Variants in CYP2C8 observed in about 807,000 individuals in gnomAD.
CYP2C8 encodes the protein cytochrome P450 2C8.
CYP2C8 carries 51 observed loss-of-function variants against 41.3 expected under a neutral mutation model. The observed-to-expected ratio is 1.24, with a 90% CI of 0.99 to 1.56. The LOEUF (loss-of-function observed/expected upper bound fraction) is 1.56. Among genes scored for constraint, CYP2C8 ranks in the 40% most tolerant of loss-of-function variants. CYP2C8 has a pLI of 0.00. For synonymous variants in CYP2C8, 218 were observed against 205.8 expected (o/e 1.06, Z -0.51); for missense variants, 651 against 579.9 (o/e 1.12, Z -1.26).
At chr10:95,037,525 C>T (rs1455433614) in intron 8 of CYP2C8, among the ~76,000 whole-genome samples, 2 of 152,184 alleles carry the variant, frequency 1.3e-5, no homozygotes, top group Admixed American at 6.5e-5. Flanking sequence ...TATTTGCTAT[C>T]TGTCTAACAT....
intron 5 of CYP2C8, among the ~76,000 whole-genome samples, chr10:95,053,700 G>A (rs1162116748): frequency 2.0e-5 from 3 of 152,092 alleles, no homozygotes; most frequent in Non-Finnish European, 4.4e-5. Flanking sequence ...TCACTCAAAA[G>A]TGGGAGTTGA....
In CYP2C8 at chr10:95,069,450, G is replaced by T; in HGVS notation, c.-48C>A. ...GACAGCTGTGAGCTTGCACTCCAAAGTTTTTATAACACTCCCTGCTAATTT... is the reference window on the plus strand; with the variant it reads ...GACAGCTGTGAGCTTGCACTCCAAATTTTTTATAACACTCCCTGCTAATTT... On this transcript the variant is annotated 5_prime_UTR_variant, in exon 1 of 9. Coordinates refer to ENST00000371270, the MANE Select transcript of CYP2C8 (RefSeq NM_000770.3). 1 of 1,494,566 alleles carries T rather than the reference G, an allele frequency of 6.7e-7. No individual in the cohort carries two copies. The highest frequency in any genetic ancestry group is 9.3e-7 in the Non-Finnish European group (1 of 1,073,126). 92.6% of individuals were successfully genotyped at this position (1,494,566 alleles called of 1,614,324 possible). A position where few individuals can be genotyped will look rare whatever the true frequency, so the allele number is the denominator to read the frequency against.
Position 95,064,789 on chromosome 10 carries a change from C to A in CYP2C8, c.642+11G>T. The A allele has an allele frequency of 6.2e-7, 1 of 1,613,226 alleles. No individual in the cohort carries two copies. The highest frequency in any genetic ancestry group is 1.1e-5 in the South Asian group (1 of 91,052). On this transcript the variant is annotated intron_variant, in intron 4 of 8. Transcript: ENST00000371270. ...AAATGGTTTCCAAGGAAAATAAAATCTTGGCCTTACCTGGATCCATGGGGA... is the reference window on the plus strand; with the variant it reads ...AAATGGTTTCCAAGGAAAATAAAATATTGGCCTTACCTGGATCCATGGGGA...
intron 5 of CYP2C8, among the ~76,000 whole-genome samples, chr10:95,046,499 GTATATT>G (rs2033111792): frequency 6.6e-6 from 1 of 152,114 alleles, no homozygotes; most frequent in South Asian, 2.1e-4. Context: ...AACAACATGA[GTATATT>G]TATGAGGTCA....
chr10:95,064,564 C>T (rs980841146), intron 4 of CYP2C8, among the ~76,000 whole-genome samples: 3 of 152,136 alleles, frequency 2.0e-5, no homozygotes, highest in African/African-American at 4.8e-5. Context: ...AATTCCCTGA[C>T]CCCTTGCACT....
chr10:95,066,827 T>G (rs2033579798), intron 3 of CYP2C8, among the ~76,000 whole-genome samples: 1 of 152,200 alleles, frequency 6.6e-6, no homozygotes, highest in Non-Finnish European at 1.5e-5. Flanking sequence ...CATGTCCACT[T>G]TCCAAGTGTT....
chr10:95,067,432 C>A (rs567203057), intron 2 of CYP2C8, 75 bp from the exon 3 acceptor site: 38 of 1,613,046 alleles, frequency 2.4e-5, no homozygotes, highest in Admixed American at 1.7e-4. Context: ...GGCAGCCATG[C>A]AGATAGGCTA....
chr10:95,067,745 C>G lies in CYP2C8; in HGVS notation c.169-54G>C. 3 of 1,525,772 alleles carry G rather than the reference C, an allele frequency of 2.0e-6. No individual in the cohort carries two copies. The South Asian group carries it at 3.4e-5, about 17-fold the overall frequency. The allele number at this position is 1,525,772 out of a possible 1,614,324, so 94.5% of individuals were successfully genotyped here. ...AATAAGTCGCTATTTGCTCCAAATA[C>G]TATGTATGATTCAGACTGACATTTT... On this transcript the variant is annotated intron_variant, in intron 1 of 8. Coordinates refer to ENST00000371270, the MANE Select transcript of CYP2C8 (RefSeq NM_000770.3).
Position 95,064,975 on chromosome 10 carries a change from A to T in CYP2C8, c.482-15T>A, listed in dbSNP as rs757641883. 2.9e-5 allele frequency: 42 copies of T among 1,447,120 alleles called. No homozygotes were observed. Among genetic ancestry groups the T allele is most frequent in the South Asian group, 2.5e-4 (14 of 55,976 alleles). The allele number at this position is 1,447,120 out of a possible 1,614,324, so 89.6% of individuals were successfully genotyped here. On this transcript the variant is annotated splice_polypyrimidine_tract_variant and intron_variant, in intron 3 of 8. Coordinates refer to ENST00000371270, the MANE Select transcript of CYP2C8 (RefSeq NM_000770.3). ...ACAGGGTGAAGCTAAAGATTTAAAAATTTTTAAAAAAATTATTAAAAAATA... is the reference window on the plus strand; with the variant it reads ...ACAGGGTGAAGCTAAAGATTTAAAATTTTTTAAAAAAATTATTAAAAAATA...
At chr10:95,042,272 A>G (rs2033018624) in intron 7 of CYP2C8, among the ~76,000 whole-genome samples, 1 of 152,202 alleles carries the variant, frequency 6.6e-6, no homozygotes, top group South Asian at 2.1e-4. Flanking sequence ...GCAAAATAAT[A>G]TACATAGAAA....
chr10:95,066,153 A>AGAGTGTGTGT (rs1342809282), intron 3 of CYP2C8, among the ~76,000 whole-genome samples: 47 of 88,272 alleles, frequency 5.3e-4, no homozygotes, highest in East Asian at 1.4e-3. Flanking sequence ...AGAGAGAGAG[A>AGAGTGTGTGT]GTGTGTGTGT....
At position 95,036,968 on chromosome 10, in the gene CYP2C8, A is replaced by G; in HGVS notation, c.*160T>C. 1 of 716,376 alleles carries G rather than the reference A, an allele frequency of 1.4e-6. No individual in the cohort carries two copies. Among genetic ancestry groups the G allele is most frequent in the African/African-American group, 1.7e-5 (1 of 57,296 alleles). 44.4% of individuals were successfully genotyped at this position (716,376 alleles called of 1,614,324 possible). On this transcript the variant is annotated 3_prime_UTR_variant, in exon 9 of 9. Transcript: ENST00000371270. The stretch of plus-strand genomic sequence containing the variant: ...TAATTGCAGATATATTTGTGCAGTG[A>G]CCTGAACAACTCTCCTTAATGGAGT...
At chr10:95,040,931 T>C in intron 7 of CYP2C8, 2 of 456,300 alleles carry the variant, frequency 4.4e-6, no homozygotes, top group South Asian at 3.1e-5. Flanking sequence ...CCTAGTTTTA[T>C]GCAGCCAGCA....
rs75923676 is a variant in CYP2C8, at chr10:95,067,370, G to A, written c.332-13C>T. The A allele has an allele frequency of 6.2e-7, 1 of 1,610,684 alleles. No individual in the cohort carries two copies. Among genetic ancestry groups the A allele is most frequent in the Non-Finnish European group, 8.5e-7 (1 of 1,179,208 alleles). On this transcript the variant is annotated splice_polypyrimidine_tract_variant and intron_variant, in intron 2 of 8. Coordinates refer to ENST00000371270, the MANE Select transcript of CYP2C8 (RefSeq NM_000770.3). ...CTGGAAATGATTCCTAATAAAAAAA[G>A]GGGCAGAAACTGGGAGAATTCACAG...
intron 5 of CYP2C8, 146 bp downstream of exon 5, chr10:95,058,189 A>T: frequency 8.3e-7 from 1 of 1,200,196 alleles, no homozygotes; most frequent in Non-Finnish European, 1.2e-6. Flanking sequence ...TGTTTAGTGC[A>T]GGCCCATAAA....
chr10:95,049,537 C>T (rs1169421950), intron 5 of CYP2C8, among the ~76,000 whole-genome samples: 1 of 152,106 alleles, frequency 6.6e-6, no homozygotes, highest in Non-Finnish European at 1.5e-5. Context: ...GATGCCCACT[C>T]ACAGAGGGAG....
chr10:95,056,605 G>A (rs567210317), intron 5 of CYP2C8, among the ~76,000 whole-genome samples: 4 of 152,226 alleles, frequency 2.6e-5, no homozygotes, highest in Admixed American at 2.6e-4. Context: ...CTAAATCTTA[G>A]TTGACCCTCC....
In CYP2C8 at chr10:95,069,468, G is replaced by A. The variant is rs762182020; in HGVS notation, c.-66C>T. On this transcript the variant is annotated 5_prime_UTR_variant, in exon 1 of 9. Transcript: ENST00000371270. ...CTCCAAAGTTTTTATAACACTCCCT[G>A]CTAATTTAGTGTGTGTCTCTTTGAC... 4 of 1,291,844 alleles carry A rather than the reference G, an allele frequency of 3.1e-6. No individual in the cohort carries two copies. Among genetic ancestry groups the A allele is most frequent in the Non-Finnish European group, 4.5e-6 (4 of 891,934 alleles). The allele number at this position is 1,291,844 out of a possible 1,614,324, so 80.0% of individuals were successfully genotyped here. A position where few individuals can be genotyped will look rare whatever the true frequency, so the allele number is the denominator to read the frequency against.
intron 4 of CYP2C8, among the ~76,000 whole-genome samples, chr10:95,060,929 A>G (rs1347245543): frequency 6.6e-6 from 1 of 152,170 alleles, no homozygotes; most frequent in Non-Finnish European, 1.5e-5. Context: ...GGTTCTGTTT[A>G]TATGCTGGAT....
Sources: allele counts gnomAD v4.1 joint callset (sites outside exome capture counted in the v4.1 genomes callset), GRCh38; gene constraint gnomAD v4.1.1; transcripts MANE v1.5; gene names NCBI Gene and HGNC (gene_info 2026-07-23, HGNC 2026-07-21).